Variants in BCAR3 observed in about 807,000 individuals in gnomAD.
The protein encoded by BCAR3 is BCAR3 adaptor protein, NSP family member.
Under a neutral mutation model 80.1 loss-of-function variants are expected in BCAR3, and 37 were observed. The ratio of observed to expected loss-of-function variants is 0.46; its 90% confidence interval spans 0.36 to 0.61. The LOEUF is 0.61. BCAR3 is among the 20% of genes least tolerant of loss of function. The pLI, the probability that BCAR3 is intolerant of heterozygous loss-of-function variation, is 0.00. For synonymous variants in BCAR3, 389 were observed against 418.9 expected, an observed-to-expected ratio of 0.93 and a Z score of 0.87; for missense variants, 978 against 1,068.2, an observed-to-expected ratio of 0.92 and a Z score of 1.18.
intron 2 of BCAR3, among the ~76,000 whole-genome samples, chr1:93,813,152 A>T (rs780788149): frequency 6.6e-6 from 1 of 152,036 alleles, no homozygotes; most frequent in Non-Finnish European, 1.5e-5. Context: ...CCAGAGCTCC[A>T]TTCTGCCTTC....
chr1:93,651,698 A>AT (rs1676330687), intron 2 of BCAR3, among the ~76,000 whole-genome samples: 1 of 152,158 alleles, frequency 6.6e-6, no homozygotes, highest in African/African-American at 2.4e-5. Flanking sequence ...AAAGAAGTCG[A>AT]TTAGATGTAC....
rs186703463 is a variant in BCAR3, at chr1:93,826,773, T to A, written c.-63+18794A>T. Among the ~76,000 whole-genome samples, 3 of 152,204 alleles carry A rather than the reference T, an allele frequency of 2.0e-5. No individual in the cohort carries two copies. In the East Asian group the frequency reaches 5.8e-4, roughly 29 times the overall value. Reference sequence around the variant, plus strand: ...GAAACTTGAAGAATGGAGAATCCCATGGCTGGGGAGAGAGGTAGGGGTGTG... The same window carrying A: ...GAAACTTGAAGAATGGAGAATCCCAAGGCTGGGGAGAGAGGTAGGGGTGTG... On this transcript the variant is annotated intron_variant, in intron 2 of 13. Transcript: ENST00000370244.
chr1:93,575,011 C>T (rs554381825), intron 8 of BCAR3, among the ~76,000 whole-genome samples: 121 of 152,232 alleles, frequency 7.9e-4, no homozygotes, highest in African/African-American at 2.8e-3. Context: ...GCTGTACAGC[C>T]GAGGAAACTC....
chr1:93,728,302 C>T (rs1416166721), intron 2 of BCAR3, among the ~76,000 whole-genome samples: 6 of 152,218 alleles, frequency 3.9e-5, no homozygotes, highest in African/African-American at 4.8e-5. Context: ...AGCACACAGA[C>T]GGGCAGGTCG....
At chr1:93,722,140 T>TG (rs1571073805) in intron 2 of BCAR3, among the ~76,000 whole-genome samples, 1 of 151,852 alleles carries the variant, frequency 6.6e-6, no homozygotes, top group Non-Finnish European at 1.5e-5. Context: ...CCATGGCCGG[T>TG]GGCTAAGGAC....
At chr1:93,768,102 T>G (rs1325552920) in intron 2 of BCAR3, among the ~76,000 whole-genome samples, 8 of 152,192 alleles carry the variant, frequency 5.3e-5, no homozygotes, top group Non-Finnish European at 2.9e-5. Flanking sequence ...GTGCTGGGAC[T>G]ACATGGCAAG....
intron 2 of BCAR3, among the ~76,000 whole-genome samples, chr1:93,836,828 G>T (rs555914635): frequency 2.2e-4 from 34 of 152,068 alleles, no homozygotes; most frequent in African/African-American, 8.0e-4. Context: ...TTAACTGAGC[G>T]ATTAACCTTG....
At chr1:93,670,925 ACTTCC>A (rs1648171819) in intron 2 of BCAR3, among the ~76,000 whole-genome samples, 2 of 152,076 alleles carry the variant, frequency 1.3e-5, no homozygotes, top group African/African-American at 4.8e-5. Context: ...CAAAGAGGAG[ACTTCC>A]TCTGCTTTGT....
intron 11 of BCAR3, among the ~76,000 whole-genome samples, chr1:93,564,148 T>G (rs1570895677): frequency 6.6e-6 from 1 of 152,300 alleles, no homozygotes; most frequent in East Asian, 1.9e-4. Flanking sequence ...TATTCAAATT[T>G]TTGTCTATTT....
intron 2 of BCAR3, among the ~76,000 whole-genome samples, chr1:93,826,414 G>A (rs1654374430): frequency 6.6e-6 from 1 of 152,076 alleles, no homozygotes; most frequent in South Asian, 2.1e-4. Flanking sequence ...ACAGCAGCTG[G>A]GGTCCCTTTC....
At chr1:93,847,896 AGCGGCGGCG>A (rs533240277), upstream of BCAR3, 109 of 242,266 alleles carry the variant, frequency 4.5e-4, no homozygotes, top group East Asian at 2.2e-3. Flanking sequence ...TCCTGAGAAG[AGCGGCGGCG>A]GCGGCGGCGG....
chr1:93,636,514 T>C (rs988042702), intron 3 of BCAR3, among the ~76,000 whole-genome samples: 6 of 151,408 alleles, frequency 4.0e-5, no homozygotes, highest in African/African-American at 1.5e-4. Flanking sequence ...GTTTACAGCC[T>C]GGCCACAAAA....
chr1:93,707,816 A>G (rs1379372978), intron 2 of BCAR3, among the ~76,000 whole-genome samples: 1 of 152,258 alleles, frequency 6.6e-6, no homozygotes, highest in Non-Finnish European at 1.5e-5. Context: ...ACAACGTAAT[A>G]TTAAATGCTT....
chr1:93,740,098 T>C lies in BCAR3; in HGVS notation c.-62-33956A>G, dbSNP rs1473616804. ...CTCCGAAATACCAGCCCAAATTTGA[T>C]ACGTGGTGGCACAAAATCACAACAG... On this transcript the variant is annotated intron_variant, in intron 2 of 13. Transcript: ENST00000370244. 3.3e-5 allele frequency among the ~76,000 whole-genome samples: 5 copies of C among 151,232 alleles called. No homozygotes were observed. The East Asian group carries it at 7.7e-4, about 23-fold the overall frequency.
intron 8 of BCAR3, among the ~76,000 whole-genome samples, chr1:93,575,398 A>T: frequency 6.6e-6 from 1 of 152,098 alleles, no homozygotes; most frequent in South Asian, 2.1e-4. Context: ...AACATACCTC[A>T]TTGTTGGTGT....
At chr1:93,787,053 T>A (rs80248897) in intron 2 of BCAR3, among the ~76,000 whole-genome samples, 1 of 152,352 alleles carries the variant, frequency 6.6e-6, no homozygotes, top group South Asian at 2.1e-4. Flanking sequence ...AGTTTAGAGA[T>A]CTATACTTCA....
chr1:93,760,519 A>G (rs1431708846), intron 2 of BCAR3, among the ~76,000 whole-genome samples: 1 of 152,188 alleles, frequency 6.6e-6, no homozygotes, highest in African/African-American at 2.4e-5. Context: ...GACTAATAAA[A>G]TAAAGATAAA....
At chr1:93,613,493 A>C (rs1288614931) in intron 3 of BCAR3, among the ~76,000 whole-genome samples, 1 of 152,242 alleles carries the variant, frequency 6.6e-6, no homozygotes, top group South Asian at 2.1e-4. Context: ...AAAAGGGCTC[A>C]GCTACCTTGT....
chr1:93,835,299 T>C (rs1243815671), intron 2 of BCAR3, among the ~76,000 whole-genome samples: 2 of 152,206 alleles, frequency 1.3e-5, no homozygotes, highest in Non-Finnish European at 2.9e-5. Context: ...GCTGGAGTCA[T>C]TCACTGCAAG....
Sources: gnomAD v4.1 joint callset for allele counts (sites outside exome capture counted in the v4.1 genomes callset) on GRCh38, gnomAD v4.1.1 for gene constraint, MANE v1.5 for transcripts, NCBI Gene and HGNC (gene_info 2026-07-23, HGNC 2026-07-21) for gene names.